Variants in EBF2 observed in about 807,000 individuals in gnomAD.
EBF2 encodes transcription factor COE2.
Under a neutral mutation model 72.8 loss-of-function variants are expected in EBF2, and 21 were observed. The observed-to-expected ratio is 0.29, with a 90% confidence interval of 0.20 to 0.42. EBF2 has a LOEUF of 0.42. Ranked by LOEUF, EBF2 falls within the 10% of genes least tolerant of loss-of-function variation. The probability of loss-of-function intolerance (pLI) is 1.00; values close to 1 mark genes in which losing one functional copy is unlikely to be tolerated. For missense variants in EBF2, 637 were observed against 731.2 expected, an observed-to-expected ratio of 0.87 and a Z score of 1.49; for synonymous variants, 299 against 274.2, an observed-to-expected ratio of 1.09 and a Z score of -0.89.
rs1022394647 is a variant in EBF2 at position 25,842,644 on chromosome 8, G to A, written c.*1965C>T. 7 of 152,112 alleles carry A rather than the reference G, an allele frequency of 4.6e-5. No homozygotes were observed. Among genetic ancestry groups the A allele is most frequent in the African/African-American group, 1.7e-4 (7 of 41,420 alleles). 9.4% of individuals were successfully genotyped at this position (152,112 alleles called of 1,614,324 possible). A position where few individuals can be genotyped will look rare whatever the true frequency, so the allele number is the denominator to read the frequency against. On this transcript the variant is annotated 3_prime_UTR_variant, in exon 16 of 16. Transcript: ENST00000520164. ...TTTTGGCGCTTTAAGCCCTGACTATGAGGGACTGTCAGCAGTAGTTATAAG... is the reference window on the plus strand; with the variant it reads ...TTTTGGCGCTTTAAGCCCTGACTATAAGGGACTGTCAGCAGTAGTTATAAG...
intron 7 of EBF2, among the ~76,000 whole-genome samples, chr8:25,897,247 C>A (rs1440816815): frequency 6.6e-6 from 1 of 151,836 alleles, no homozygotes; most frequent in Non-Finnish European, 1.5e-5. Flanking sequence ...ATTTTTAATT[C>A]TGTCAAGTTT....
intron 13 of EBF2, among the ~76,000 whole-genome samples, 158 bp downstream of exon 13, chr8:25,860,891 T>C (rs939636105): frequency 2.0e-5 from 3 of 152,180 alleles, no homozygotes; most frequent in Non-Finnish European, 4.4e-5. Context: ...TCTAATAAAG[T>C]ACCATCTATA....
chr8:25,972,390 T>C (rs563082882), intron 6 of EBF2, among the ~76,000 whole-genome samples: 2 of 151,922 alleles, frequency 1.3e-5, no homozygotes, highest in African/African-American at 2.4e-5. Context: ...GGGGTGGCTT[T>C]GGGGTGGTAT....
At chr8:25,996,370 A>G (rs182337452) in intron 6 of EBF2, among the ~76,000 whole-genome samples, 1 of 152,296 alleles carries the variant, frequency 6.6e-6, no homozygotes, top group African/African-American at 2.4e-5. Context: ...AGCATCCCAA[A>G]AGGCAAAAAT....
At chr8:25,889,377 T>C (rs1314904063) in intron 8 of EBF2, among the ~76,000 whole-genome samples, 1 of 152,210 alleles carries the variant, frequency 6.6e-6, no homozygotes, top group Non-Finnish European at 1.5e-5. Context: ...TTCTGAGCAT[T>C]GTTTTGTTTT....
chr8:25,858,273 A>G, intron 14 of EBF2, 46 bp downstream of exon 14: 1 of 1,609,076 alleles, frequency 6.2e-7, no homozygotes, highest in Non-Finnish European at 8.5e-7. Flanking sequence ...AGTAAAACCC[A>G]GAGACAAAAA....
chr8:25,929,879 A>G (rs983818848), intron 6 of EBF2, among the ~76,000 whole-genome samples: 4 of 152,166 alleles, frequency 2.6e-5, no homozygotes, highest in South Asian at 2.1e-4. Flanking sequence ...AGAGAGGGGG[A>G]AAAACAGAAG....
chr8:25,846,626 C>A (rs919335190), intron 15 of EBF2, among the ~76,000 whole-genome samples: 3 of 152,082 alleles, frequency 2.0e-5, no homozygotes, highest in African/African-American at 7.2e-5. Flanking sequence ...GAGGTCAAGG[C>A]TGCAGTGAGC....
Position 26,044,160 on chromosome 8 carries a change from G to C in EBF2, c.131+569C>G, listed in dbSNP as rs1353486573. 6.6e-6 allele frequency among the ~76,000 whole-genome samples: 1 copy of C among 152,186 alleles called. No individual in the cohort carries two copies. The highest frequency in any genetic ancestry group is 1.5e-5 in the Non-Finnish European group (1 of 68,024). ...TCTTTGAGCCGGGACCCTCCAGCCT[G>C]TCCCCCCTCCCAGAGCTCCCGGCCG... On this transcript the variant is annotated intron_variant, in intron 1 of 15. Coordinates refer to ENST00000520164, the MANE Select transcript of EBF2 (RefSeq NM_022659.4). This position sits in a 1 kb window ranked among gnomAD's most constrained non-coding sequence, Gnocchi z 4.1.
At chr8:25,919,854 CA>C (rs1306252785) in intron 6 of EBF2, among the ~76,000 whole-genome samples, 1 of 152,168 alleles carries the variant, frequency 6.6e-6, no homozygotes. Context: ...ACAACTAACT[CA>C]AGTGCAAAAA....
intron 6 of EBF2, among the ~76,000 whole-genome samples, chr8:25,911,058 TC>T (rs1183487678): frequency 6.6e-6 from 1 of 152,060 alleles, no homozygotes; most frequent in Non-Finnish European, 1.5e-5. Flanking sequence ...ACCCTCTCCA[TC>T]CACCATGCTC....
Position 26,033,107 on chromosome 8 carries a change from A to T in EBF2, c.529T>A (p.Ser177Thr). ...TACCTGTCAATTATGACTGGGTCCGATGGAGTCTCATTTCGGTTTCCACAG... is the reference window on the plus strand; with the variant it reads ...TACCTGTCAATTATGACTGGGTCCGTTGGAGTCTCATTTCGGTTTCCACAG... ...KSCGNRNETP[S>T]DPVIIDRFFL... The change falls in exon 6 of 16, where the codon TCG becomes ACG. Residue 177 changes from serine to threonine, a missense_variant. Physicochemically the swap from Ser to Thr is moderately conservative, Grantham distance 58. This residue lies in a region of EBF2 where 204 missense variants were observed against 301.2 expected (regional missense o/e 0.68). Coordinates refer to ENST00000520164, the MANE Select transcript of EBF2 (RefSeq NM_022659.4). The T allele has an allele frequency of 6.2e-7, 1 of 1,614,172 alleles. No homozygotes were observed. Among genetic ancestry groups the T allele is most frequent in the Non-Finnish European group, 8.5e-7 (1 of 1,180,012 alleles).
At chr8:26,043,013 G>C (rs1340668539) in intron 1 of EBF2, among the ~76,000 whole-genome samples, 5 of 152,246 alleles carry the variant, frequency 3.3e-5, no homozygotes, top group Admixed American at 6.5e-5. Context: ...AAGCCAAACT[G>C]TTAAAAGGCG....
At chr8:25,893,722 C>T (rs565213142) in intron 7 of EBF2, among the ~76,000 whole-genome samples, 21 of 152,284 alleles carry the variant, frequency 1.4e-4, no homozygotes, top group Admixed American at 3.3e-4. Context: ...TCCATTAATA[C>T]TCCCCACACA....
intron 6 of EBF2, among the ~76,000 whole-genome samples, chr8:25,946,310 C>A (rs1338103868): frequency 6.6e-6 from 1 of 152,168 alleles, no homozygotes; most frequent in Non-Finnish European, 1.5e-5. Flanking sequence ...ATGCAAACAC[C>A]ATGGGAGCAA....
At chr8:25,876,260 T>C (rs930748525) in intron 10 of EBF2, among the ~76,000 whole-genome samples, 4 of 151,816 alleles carry the variant, frequency 2.6e-5, no homozygotes, top group African/African-American at 4.8e-5. Flanking sequence ...TGTCGGTGGG[T>C]TGGGGGCAGG....
intron 5 of EBF2, among the ~76,000 whole-genome samples, 157 bp from the exon 6 acceptor site, chr8:26,033,310 A>G (rs1162455477): frequency 2.6e-5 from 4 of 151,878 alleles, no homozygotes; most frequent in Admixed American, 6.6e-5. Context: ...GCTCACCACA[A>G]CCTCTGCCTC....
At chr8:25,877,468 G>A (rs1802542052) in intron 10 of EBF2, among the ~76,000 whole-genome samples, 1 of 152,216 alleles carries the variant, frequency 6.6e-6, no homozygotes, top group African/African-American at 2.4e-5. Context: ...ACCACGGTTG[G>A]TGGAAAATTG....
chr8:26,009,041 G>A (rs1804932427), intron 6 of EBF2, among the ~76,000 whole-genome samples: 1 of 139,542 alleles, frequency 7.2e-6, no homozygotes, highest in Non-Finnish European at 1.5e-5. Context: ...AGAAGTCCCA[G>A]GAGCTTTTGT....
Sources: allele counts gnomAD v4.1 joint callset (sites outside exome capture counted in the v4.1 genomes callset), GRCh38; gene constraint gnomAD v4.1.1; regional missense constraint gnomAD v4.1.1; non-coding constraint Gnocchi (gnomAD v3.1); transcripts MANE v1.5; gene names NCBI Gene and HGNC (gene_info 2026-07-23, HGNC 2026-07-21).